Variants in FAM135B observed in about 807,000 individuals in gnomAD.
FAM135B encodes protein FAM135B.
Under a neutral mutation model 127.7 loss-of-function variants are expected in FAM135B, and 43 were observed. The ratio of observed to expected loss-of-function variants is 0.34; its 90% confidence interval spans 0.26 to 0.43. The LOEUF is 0.43. FAM135B is among the 20% of genes least tolerant of loss of function. The pLI is 1.00. For synonymous variants in FAM135B, 670 were observed against 665.1 expected (o/e 1.01, Z -0.11); for missense variants, 1,558 against 1,725.6 (o/e 0.90, Z 1.72).
intron 1 of FAM135B, among the ~76,000 whole-genome samples, chr8:138,483,771 T>C (rs1298997416): frequency 4.6e-5 from 7 of 152,178 alleles, no homozygotes; most frequent in South Asian, 2.1e-4. Context: ...CAAGCCTCAA[T>C]TGCATTCCAC....
At chr8:138,314,143 A>G (rs1480601665) in intron 2 of FAM135B, among the ~76,000 whole-genome samples, 1 of 152,188 alleles carries the variant, frequency 6.6e-6, no homozygotes, top group Non-Finnish European at 1.5e-5. Flanking sequence ...GCTATGAGTT[A>G]CAGTGCTGCT....
chr8:138,257,502 C>T (rs1822186123), intron 4 of FAM135B, among the ~76,000 whole-genome samples: 1 of 151,916 alleles, frequency 6.6e-6, no homozygotes, highest in African/African-American at 2.4e-5. Flanking sequence ...TTCTCTTTTT[C>T]TCACATCACC....
At chr8:138,432,933 A>C (rs1428612669) in intron 1 of FAM135B, among the ~76,000 whole-genome samples, 1 of 152,252 alleles carries the variant, frequency 6.6e-6, no homozygotes, top group South Asian at 2.1e-4. Context: ...CAAAAGGCAC[A>C]CAGGAAGGAA....
intron 2 of FAM135B, among the ~76,000 whole-genome samples, chr8:138,334,281 A>C (rs1037419830): frequency 1.4e-4 from 21 of 152,210 alleles, no homozygotes; most frequent in African/African-American, 4.8e-4. Context: ...TTGCTCTGGC[A>C]ATACTTCTAC....
chr8:138,256,076 G>C (rs1388901194), intron 5 of FAM135B, among the ~76,000 whole-genome samples: 1 of 151,986 alleles, frequency 6.6e-6, no homozygotes, highest in African/African-American at 2.4e-5. Flanking sequence ...TACTTCACTG[G>C]ACTTTTCATA....
intron 2 of FAM135B, among the ~76,000 whole-genome samples, chr8:138,335,826 CT>C (rs1828538137): frequency 6.6e-6 from 1 of 152,208 alleles, no homozygotes; most frequent in Non-Finnish European, 1.5e-5. Flanking sequence ...CCACACCACA[CT>C]TATTCCAAAA....
At position 138,132,763 on chromosome 8, in the gene FAM135B, C is replaced by G. The variant is rs374141412; in HGVS notation, c.4051G>C (p.Gly1351Arg). 1 of 1,614,100 alleles carries G rather than the reference C, an allele frequency of 6.2e-7. No individual in the cohort carries two copies. The highest frequency in any genetic ancestry group is 8.5e-7 in the Non-Finnish European group (1 of 1,180,022). The change falls in exon 20 of 20, where the codon GGC (glycine) becomes CGC (arginine). Residue 1351 changes from glycine to arginine, a missense_variant. Gly to Arg is a moderately radical substitution (Grantham distance 125, BLOSUM62 -2). Around this residue, in one of 5 missense-constraint regions of FAM135B, gnomAD observed 194 missense variants for 333.8 expected, o/e 0.58. Coordinates refer to ENST00000395297, the MANE Select transcript of FAM135B (RefSeq NM_015912.4). The surrounding 1 kb of genome is among the most constrained non-coding windows in gnomAD (Gnocchi z 4.5). ...VYAEMINNLL[G>R]PLVEAKDCTL... ...CAGTCCTTGGCTTCAACCAGAGGGC[C>G]CAGGAGGTTGTTGATCATTTCTGCA...
intron 2 of FAM135B, among the ~76,000 whole-genome samples, chr8:138,336,600 T>C (rs1316864433): frequency 6.6e-6 from 1 of 152,088 alleles, no homozygotes; most frequent in Non-Finnish European, 1.5e-5. Context: ...GGCTCTCAAA[T>C]TGAGGCAATA....
At chr8:138,253,855 C>A (rs187190478) in intron 5 of FAM135B, among the ~76,000 whole-genome samples, 24 of 152,310 alleles carry the variant, frequency 1.6e-4, no homozygotes, top group South Asian at 4.1e-4. Flanking sequence ...AATGTCCACC[C>A]CAGGATATGC....
chr8:138,256,005 T>C (rs976839378), intron 5 of FAM135B, among the ~76,000 whole-genome samples: 3 of 151,916 alleles, frequency 2.0e-5, no homozygotes, highest in Admixed American at 1.3e-4. Context: ...GGAGGTGAGG[T>C]AGAGAAAGGA....
intron 1 of FAM135B, among the ~76,000 whole-genome samples, chr8:138,390,501 T>C (rs192520045): frequency 1.5e-4 from 23 of 152,280 alleles, no homozygotes; most frequent in East Asian, 7.7e-4. Flanking sequence ...ATAAATTACC[T>C]AGTCTCAGGT....
At chr8:138,280,447 C>A (rs1412469089) in intron 3 of FAM135B, among the ~76,000 whole-genome samples, 1 of 152,134 alleles carries the variant, frequency 6.6e-6, no homozygotes, top group Non-Finnish European at 1.5e-5. Context: ...GCTCCAGGGC[C>A]ACAATCGGCT....
At chr8:138,310,812 A>G (rs775405325) in intron 3 of FAM135B, 29 bp downstream of exon 3, 3 of 1,607,462 alleles carry the variant, frequency 1.9e-6, no homozygotes, top group Non-Finnish European at 2.6e-6. Flanking sequence ...CATTGGGGGC[A>G]AGTGCCCCAT....
chr8:138,333,675 C>A (rs766622830), intron 2 of FAM135B, among the ~76,000 whole-genome samples: 5 of 152,318 alleles, frequency 3.3e-5, no homozygotes, highest in African/African-American at 1.2e-4. Context: ...AATCCCAGCA[C>A]AGTGCCTAAC....
chr8:138,400,851 T>C lies in FAM135B; in HGVS notation c.-19-32849A>G, dbSNP rs74375239. Reference sequence around the variant, plus strand: ...ACACCAAAATGTATGAGAAATAGTGTCTCCAAATAAGGTTTGAAAACACTG... The same window carrying C: ...ACACCAAAATGTATGAGAAATAGTGCCTCCAAATAAGGTTTGAAAACACTG... On this transcript the variant is annotated intron_variant, in intron 1 of 19. Transcript: ENST00000395297. 9.2e-5 allele frequency among the ~76,000 whole-genome samples: 14 copies of C among 152,314 alleles called. No homozygotes were observed. In the East Asian group the frequency reaches 2.7e-3, roughly 29 times the overall value.
chr8:138,164,425 G>T lies in FAM135B; in HGVS notation c.1258+3470C>A, dbSNP rs182613825. Reference sequence around the variant, plus strand: ...CTCAACACAGAAGCTGCAAAGAGAGGCTGGTCCTAAAATATGACATTGTGA... The same window carrying T: ...CTCAACACAGAAGCTGCAAAGAGAGTCTGGTCCTAAAATATGACATTGTGA... On this transcript the variant is annotated intron_variant, in intron 12 of 19. Coordinates refer to ENST00000395297, the MANE Select transcript of FAM135B (RefSeq NM_015912.4). Among the ~76,000 whole-genome samples the T allele has an allele frequency of 1.1e-4, 17 of 152,268 alleles. No homozygotes were observed. In the East Asian group the frequency reaches 3.1e-3, roughly 28 times the overall value.
chr8:138,259,857 G>A (rs1008899009), intron 4 of FAM135B, among the ~76,000 whole-genome samples: 1 of 152,178 alleles, frequency 6.6e-6, no homozygotes, highest in Admixed American at 6.5e-5. Flanking sequence ...ATAGGTATAA[G>A]ATGCTGTTTG....
chr8:138,301,212 A>T lies in FAM135B; in HGVS notation c.157+9629T>A, dbSNP rs1395855549. Among the ~76,000 whole-genome samples, 5 of 152,182 alleles carry T rather than the reference A, an allele frequency of 3.3e-5. No homozygotes were observed. The East Asian group carries it at 9.7e-4, about 29-fold the overall frequency. ...CACATGCTGTGGTTTGAGGGGGTAC[A>T]GAACAGTTCTCCCCACACTGATCCT... is the stretch of plus-strand genomic sequence containing the variant. On this transcript the variant is annotated intron_variant, in intron 3 of 19. Coordinates refer to ENST00000395297, the MANE Select transcript of FAM135B (RefSeq NM_015912.4).
chr8:138,208,679 G>C (rs1297131148), intron 7 of FAM135B, among the ~76,000 whole-genome samples: 1 of 152,196 alleles, frequency 6.6e-6, no homozygotes, highest in South Asian at 2.1e-4. Flanking sequence ...CCCTCAGAGG[G>C]CAAGAGTGAG....
Sources: gnomAD v4.1 joint callset for allele counts (sites outside exome capture counted in the v4.1 genomes callset) on GRCh38, gnomAD v4.1.1 for gene constraint, gnomAD v4.1.1 regional missense constraint, Gnocchi (gnomAD v3.1) non-coding constraint, MANE v1.5 for transcripts, NCBI Gene and HGNC (gene_info 2026-07-23, HGNC 2026-07-21) for gene names.